The following ZNF385D variants were observed in gnomAD, a reference collection of about 807,000 sequenced individuals.
ZNF385D encodes the protein zinc finger protein 659.
A neutral mutation model predicts 35.8 loss-of-function variants in ZNF385D; 15 were observed. The observed-to-expected ratio is 0.42, with a 90% confidence interval of 0.28 to 0.64. ZNF385D has a LOEUF of 0.64. ZNF385D is among the 30% of genes least tolerant of loss of function. ZNF385D has a pLI of 0.23. For missense variants in ZNF385D, 474 were observed against 494.6 expected, an observed-to-expected ratio of 0.96 and a Z score of 0.39; for synonymous variants, 212 against 186.8, an observed-to-expected ratio of 1.13 and a Z score of -1.10.
intron 2 of ZNF385D, among the ~76,000 whole-genome samples, chr3:21,587,196 A>C (rs1350585629): frequency 6.6e-6 from 1 of 152,196 alleles, no homozygotes; most frequent in Non-Finnish European, 1.5e-5. Context: ...ATTAGGTGAA[A>C]AGGAGCATTC....
At chr3:21,995,046 G>A (rs1695374961) in intron 3 of ZNF385D, among the ~76,000 whole-genome samples, 1 of 152,222 alleles carries the variant, frequency 6.6e-6, no homozygotes, top group South Asian at 2.1e-4. Context: ...GGTGCCAGCA[G>A]TGACAGCAAT....
chr3:22,075,989 C>G (rs1188428645), intron 3 of ZNF385D, among the ~76,000 whole-genome samples: 1 of 151,914 alleles, frequency 6.6e-6, no homozygotes, highest in Non-Finnish European at 1.5e-5. Flanking sequence ...GACAGCAAGT[C>G]CTACAAATGC....
At chr3:21,728,223 G>A (rs770821756) in intron 1 of ZNF385D, among the ~76,000 whole-genome samples, 3 of 151,332 alleles carry the variant, frequency 2.0e-5, no homozygotes, top group Admixed American at 6.6e-5. Flanking sequence ...ACCATGTCAC[G>A]TGTATACCTA....
chr3:21,758,302 G>A (rs2070437268), intron 3 of ZNF385D, among the ~76,000 whole-genome samples: 1 of 152,180 alleles, frequency 6.6e-6, no homozygotes, highest in Non-Finnish European at 1.5e-5. Flanking sequence ...TAGCAGAAAT[G>A]CATCCCATAG....
At chr3:21,470,102 A>C (rs188897328) in intron 4 of ZNF385D, among the ~76,000 whole-genome samples, 73 of 152,348 alleles carry the variant, frequency 4.8e-4, no homozygotes, top group Middle Eastern at 3.4e-3. Context: ...TTCCCCGTGG[A>C]AAAGTACAAC....
intron 1 of ZNF385D, among the ~76,000 whole-genome samples, chr3:21,678,347 G>T (rs1478992372): frequency 6.6e-6 from 1 of 152,106 alleles, no homozygotes; most frequent in Non-Finnish European, 1.5e-5. Flanking sequence ...GCAACAGCCA[G>T]TGTTGACCTG....
At chr3:21,767,375 A>T (rs4858016) in intron 3 of ZNF385D, among the ~76,000 whole-genome samples, 1 of 151,692 alleles carries the variant, frequency 6.6e-6, no homozygotes, top group African/African-American at 2.4e-5. Context: ...AATTTTACTC[A>T]TTCTTTTTTT....
chr3:21,738,139 T>C lies in ZNF385D; in HGVS notation c.22+12756A>G, dbSNP rs116290487. On this transcript the variant is annotated intron_variant, in intron 1 of 7. Coordinates refer to ENST00000281523, the MANE Select transcript of ZNF385D (RefSeq NM_024697.3). ...TGCTTGGCTTGTACACTGAGAGGAG[T>C]TTTGTTTGTGCATTGGTTCTCTTGT... 9.0e-3 allele frequency among the ~76,000 whole-genome samples: 1,374 copies of C among 152,126 alleles called. 23 individuals carry two copies. Among genetic ancestry groups the C allele is most frequent in the African/African-American group, 0.031 (1,306 of 41,488 alleles).
intron 3 of ZNF385D, among the ~76,000 whole-genome samples, chr3:22,016,134 C>G (rs979885231): frequency 6.6e-6 from 1 of 152,064 alleles, no homozygotes; most frequent in Non-Finnish European, 1.5e-5. Context: ...TAAAACAGTT[C>G]TTCTAATTTT....
intron 3 of ZNF385D, among the ~76,000 whole-genome samples, chr3:21,766,696 AAGAT>A (rs1471575415): frequency 3.9e-5 from 6 of 152,112 alleles, no homozygotes; most frequent in Non-Finnish European, 1.5e-5. Flanking sequence ...CAAGAAGAGT[AAGAT>A]AGAATAGCTG....
chr3:22,206,948 C>G (rs1287899660), intron 2 of ZNF385D, among the ~76,000 whole-genome samples: 1 of 151,638 alleles, frequency 6.6e-6, no homozygotes, highest in Non-Finnish European at 1.5e-5. Flanking sequence ...ACAAAAAATA[C>G]CGAAGACTAC....
chr3:21,998,957 G>C (rs1433553930), intron 3 of ZNF385D, among the ~76,000 whole-genome samples: 1 of 151,982 alleles, frequency 6.6e-6, no homozygotes, highest in Admixed American at 6.6e-5. Context: ...CCCTTAAAAA[G>C]TGATAAAGAG....
chr3:22,041,378 G>A (rs567825987), intron 3 of ZNF385D, among the ~76,000 whole-genome samples: 1 of 152,246 alleles, frequency 6.6e-6, no homozygotes, highest in African/African-American at 2.4e-5. Context: ...CACAGGAATT[G>A]CAAGTTGGAG....
At chr3:21,891,563 T>G (rs2125883100) in intron 3 of ZNF385D, among the ~76,000 whole-genome samples, 1 of 152,340 alleles carries the variant, frequency 6.6e-6, no homozygotes, top group Middle Eastern at 3.4e-3. Context: ...GTTTTACTTG[T>G]GTGTATCTGG....
chr3:22,152,094 G>C (rs1705277063), intron 3 of ZNF385D, among the ~76,000 whole-genome samples: 1 of 152,096 alleles, frequency 6.6e-6, no homozygotes, highest in Non-Finnish European at 1.5e-5. Context: ...TTCTAAGTGA[G>C]AACACAGGTT....
At chr3:21,829,255 T>C (rs1229150662) in intron 3 of ZNF385D, among the ~76,000 whole-genome samples, 1 of 151,966 alleles carries the variant, frequency 6.6e-6, no homozygotes, top group East Asian at 1.9e-4. Context: ...AGTAATTGGG[T>C]ATGGGAAGGA....
At chr3:22,074,703 C>T (rs1700382856) in intron 3 of ZNF385D, among the ~76,000 whole-genome samples, 1 of 152,032 alleles carries the variant, frequency 6.6e-6, no homozygotes, top group African/African-American at 2.4e-5. Context: ...GATAACCTCA[C>T]ATATACATCA....
At chr3:21,639,198 CTGCTT>C (rs1180571906) in intron 2 of ZNF385D, among the ~76,000 whole-genome samples, 1 of 151,944 alleles carries the variant, frequency 6.6e-6, no homozygotes, top group East Asian at 1.9e-4. Context: ...TATCTCTTCC[CTGCTT>C]TATTTTTTTT....
chr3:21,814,427 T>G (rs1383999375), intron 3 of ZNF385D, among the ~76,000 whole-genome samples: 4 of 152,110 alleles, frequency 2.6e-5, no homozygotes, highest in African/African-American at 9.7e-5. Flanking sequence ...GTGTGCTGTA[T>G]TCAGGAGACC....
Sources: allele counts gnomAD v4.1 joint callset (sites outside exome capture counted in the v4.1 genomes callset), GRCh38; gene constraint gnomAD v4.1.1; transcripts MANE v1.5; gene names NCBI Gene and HGNC (gene_info 2026-07-23, HGNC 2026-07-21).